PPP3CA: variants seen among roughly 807,000 people sequenced by gnomAD.
PPP3CA encodes the protein protein phosphatase 3 catalytic subunit alpha.
PPP3CA carries 14 observed loss-of-function variants against 66.5 expected under a neutral mutation model. The observed-to-expected ratio is 0.21, with a 90% CI of 0.14 to 0.33. The LOEUF (loss-of-function observed/expected upper bound fraction) is 0.33, where lower values mean the gene tolerates loss of function less well. Ranked by LOEUF, PPP3CA falls within the 10% of genes least tolerant of loss-of-function variation. PPP3CA has a pLI of 1.00. For synonymous variants in PPP3CA, 232 were observed against 226.2 expected (o/e 1.03, Z -0.23); for missense variants, 317 against 639.5 (o/e 0.50, Z 5.44).
At chr4:101,052,043 T>A (rs150639637) in intron 10 of PPP3CA, among the ~76,000 whole-genome samples, 75 of 152,156 alleles carry the variant, frequency 4.9e-4, no homozygotes, top group African/African-American at 1.7e-3. Flanking sequence ...AACATTTAGT[T>A]TATTCTGCAA....
chr4:101,195,912 T>C lies in PPP3CA; in HGVS notation c.259+4A>G, dbSNP rs981725731. ...AGTGGGCAACCTCCCTCCTCAGGAC[T>C]TACCAGTGACTGGCGCATCAATATC... On this transcript the variant is annotated splice_donor_region_variant and intron_variant, in intron 2 of 13. Transcript: ENST00000394854. 1.1e-5 allele frequency: 17 copies of C among 1,613,474 alleles called. No homozygotes were observed. Among genetic ancestry groups the C allele is most frequent in the Non-Finnish European group, 1.3e-5 (15 of 1,179,690 alleles).
At chr4:101,123,229 G>C (rs1722085993) in intron 2 of PPP3CA, among the ~76,000 whole-genome samples, 1 of 152,128 alleles carries the variant, frequency 6.6e-6, no homozygotes, top group South Asian at 2.1e-4. Flanking sequence ...CTAGGGCCTA[G>C]GATAGTGCCT....
intron 1 of PPP3CA, chr4:101,330,185 G>A (rs1170034179): frequency 1.4e-4 from 52 of 382,920 alleles, no homozygotes; most frequent in South Asian, 1.0e-3. Context: ...TGACTTTAAG[G>A]AATTTAAGCC....
chr4:101,299,906 T>C (rs1426380092), intron 1 of PPP3CA, among the ~76,000 whole-genome samples: 1 of 152,216 alleles, frequency 6.6e-6, no homozygotes, highest in African/African-American at 2.4e-5. Flanking sequence ...AAGGCATTCT[T>C]TGAACACACT....
chr4:101,344,655 G>C (rs1454928154), intron 1 of PPP3CA, among the ~76,000 whole-genome samples: 1 of 152,074 alleles, frequency 6.6e-6, no homozygotes, highest in Non-Finnish European at 1.5e-5. Context: ...AAAAAAGCAA[G>C]GCAAAGTAGC....
chr4:101,295,695 T>C (rs1435611022), intron 1 of PPP3CA, among the ~76,000 whole-genome samples: 1 of 152,210 alleles, frequency 6.6e-6, no homozygotes, highest in Non-Finnish European at 1.5e-5. Context: ...TCAACACTAA[T>C]AAATTTAACC....
chr4:101,212,274 CAA>C (rs1291476697), intron 1 of PPP3CA, among the ~76,000 whole-genome samples: 1 of 152,058 alleles, frequency 6.6e-6, no homozygotes, highest in Non-Finnish European at 1.5e-5. Flanking sequence ...TGGCAACTGA[CAA>C]AGATAGCCTC....
chr4:101,154,326 T>C (rs1723238949), intron 2 of PPP3CA, among the ~76,000 whole-genome samples: 1 of 152,140 alleles, frequency 6.6e-6, no homozygotes, highest in Non-Finnish European at 1.5e-5. Context: ...AAACCCAAAG[T>C]AACATATCAA....
intron 6 of PPP3CA, among the ~76,000 whole-genome samples, chr4:101,087,957 G>A (rs771592958): frequency 8.6e-5 from 13 of 152,030 alleles, no homozygotes; most frequent in South Asian, 6.2e-4. Flanking sequence ...TCATGATGCC[G>A]CTTTCCCCGC....
chr4:101,104,003 A>C (rs1349009767), intron 3 of PPP3CA, among the ~76,000 whole-genome samples: 1 of 152,208 alleles, frequency 6.6e-6, no homozygotes, highest in Non-Finnish European at 1.5e-5. Context: ...TTTGTGGGAA[A>C]TGATTTCTAA....
rs577005902 is a variant in PPP3CA at position 101,314,854 on chromosome 4, G to A, written c.58+31885C>T. On this transcript the variant is annotated intron_variant, in intron 1 of 13. Coordinates refer to ENST00000394854, the MANE Select transcript of PPP3CA (RefSeq NM_000944.5). ...GAATGGCTACCTTCCTTCATTATAA[G>A]GGTAACTGCTTCTTAATTTCTTCTT... Among the ~76,000 whole-genome samples the A allele has an allele frequency of 4.6e-5, 7 of 152,224 alleles. No individual in the cohort carries two copies. In the East Asian group the frequency reaches 7.7e-4, roughly 17 times the overall value.
At chr4:101,187,113 A>G (rs765644834) in intron 2 of PPP3CA, among the ~76,000 whole-genome samples, 12 of 152,148 alleles carry the variant, frequency 7.9e-5, no homozygotes, top group Non-Finnish European at 1.5e-4. Flanking sequence ...GAGATTCACA[A>G]TTTTAATGTG....
chr4:101,149,568 G>A (rs1214961484), intron 2 of PPP3CA, among the ~76,000 whole-genome samples: 3 of 152,144 alleles, frequency 2.0e-5, no homozygotes, highest in Admixed American at 2.0e-4. Context: ...TGTACACACT[G>A]CTGAAGTATT....
At chr4:101,138,979 C>A (rs1383019726) in intron 2 of PPP3CA, among the ~76,000 whole-genome samples, 1 of 152,062 alleles carries the variant, frequency 6.6e-6, no homozygotes, top group Non-Finnish European at 1.5e-5. Flanking sequence ...AGAAAACATT[C>A]ACATATACTA....
At chr4:101,324,607 C>A (rs570032998) in intron 1 of PPP3CA, among the ~76,000 whole-genome samples, 217 of 152,092 alleles carry the variant, frequency 1.4e-3, no homozygotes, top group Non-Finnish European at 2.6e-3. Flanking sequence ...TTTAACAATT[C>A]TTGGTCCAGT....
At chr4:101,072,435 A>G (rs954425325) in intron 8 of PPP3CA, among the ~76,000 whole-genome samples, 2 of 152,140 alleles carry the variant, frequency 1.3e-5, no homozygotes, top group Non-Finnish European at 2.9e-5. Context: ...CTGAGTTTCA[A>G]TCTCAGTGCT....
At chr4:101,149,908 G>T (rs1159244550) in intron 2 of PPP3CA, among the ~76,000 whole-genome samples, 1 of 152,046 alleles carries the variant, frequency 6.6e-6, no homozygotes, top group Admixed American at 6.6e-5. Flanking sequence ...TAATCCTACT[G>T]CCCACATACA....
chr4:101,052,120 G>A (rs1728037719), intron 10 of PPP3CA, among the ~76,000 whole-genome samples: 2 of 151,952 alleles, frequency 1.3e-5, no homozygotes, highest in Admixed American at 1.3e-4. Flanking sequence ...TGCAATCATA[G>A]TAGTACAATA....
At chr4:101,139,347 CA>C (rs56658441) in intron 2 of PPP3CA, among the ~76,000 whole-genome samples, 1,212 of 96,626 alleles carry the variant, frequency 0.013, 13 homozygotes, top group African/African-American at 0.033. Flanking sequence ...GACTCCGTCT[CA>C]AAAAAAAAAA....
Sources: allele counts gnomAD v4.1 joint callset (sites outside exome capture counted in the v4.1 genomes callset), GRCh38; gene constraint gnomAD v4.1.1; transcripts MANE v1.5; gene names NCBI Gene and HGNC (gene_info 2026-07-23, HGNC 2026-07-21).